The following ABCA5 variants were observed in gnomAD, a reference collection of about 807,000 sequenced individuals.
ABCA5 encodes the protein cholesterol transporter ABCA5.
Under a neutral mutation model 206.0 loss-of-function variants are expected in ABCA5, and 163 were observed. That is an observed-to-expected ratio of 0.79 (90% CI 0.70 to 0.90). The LOEUF (loss-of-function observed/expected upper bound fraction) is 0.90, where lower values mean the gene tolerates loss of function less well. Ranked by LOEUF, ABCA5 falls within the 40% of genes least tolerant of loss-of-function variation. The pLI is 0.00. For synonymous variants in ABCA5, 609 were observed against 613.8 expected, an observed-to-expected ratio of 0.99 and a Z score of 0.11; for missense variants, 1,859 against 1,912.9, an observed-to-expected ratio of 0.97 and a Z score of 0.53.
chr17:69,261,155 T>A lies in ABCA5; in HGVS notation c.3534A>T (p.Pro1178=). The A allele has an allele frequency of 6.3e-7, 1 of 1,597,274 alleles. No homozygotes were observed. The highest frequency in any genetic ancestry group is 8.5e-7 in the Non-Finnish European group (1 of 1,170,608). ...YAFCIIIPIY[P]LLGCLISFIK... ...TGAAAGAAATCAGGCAACCTAGAAG[T>A]GGATAGATTGGAATGATGATACAAA... is the stretch of plus-strand genomic sequence containing the variant. Residue 1178 remains proline (P), a synonymous_variant, in exon 26 of 39, where the codon CCA becomes CCT. Transcript: ENST00000392676.
At chr17:69,266,514 A>T (rs577291855) in intron 23 of ABCA5, among the ~76,000 whole-genome samples, 1 of 151,058 alleles carries the variant, frequency 6.6e-6, no homozygotes, top group Admixed American at 6.6e-5. Context: ...ACATGTATAC[A>T]TATGTAACTA....
Position 69,289,880 on chromosome 17 carries a change from G to T in ABCA5, c.1764C>A (p.Ala588=). 1 of 1,607,468 alleles carries T rather than the reference G, an allele frequency of 6.2e-7. No individual in the cohort carries two copies. ...SILASIKGIP[A]NNIIQEVQKV... is the part of the protein sequence containing the mutation. ...AGCATACTTCTTGTATTATATTGTT[G>T]GCTGGTATCCCTTTGATTGAAGCCA... The change falls in exon 13 of 39, where the codon GCC becomes GCA. Residue 588 remains alanine, a synonymous_variant. Coordinates refer to ENST00000392676, the MANE Select transcript of ABCA5 (RefSeq NM_172232.4).
At chr17:69,302,029 T>C (rs963521757) in intron 8 of ABCA5, among the ~76,000 whole-genome samples, 1 of 152,146 alleles carries the variant, frequency 6.6e-6, no homozygotes, top group African/African-American at 2.4e-5. Context: ...CTCAAAAAAG[T>C]AAAATGATTA....
intron 18 of ABCA5, among the ~76,000 whole-genome samples, chr17:69,282,825 T>TTCTTCCCC (rs1261259002): frequency 6.6e-6 from 1 of 151,568 alleles, no homozygotes; most frequent in Non-Finnish European, 1.5e-5. Context: ...CACAAACCTA[T>TTCTTCCCC]TCTTCCCCTA....
rs1567769297 is a variant in ABCA5, at chr17:69,289,301, A to G, written c.1783-5T>C. 1 of 1,551,746 alleles carries G rather than the reference A, an allele frequency of 6.4e-7. No individual in the cohort carries two copies. Among genetic ancestry groups the G allele is most frequent in the Non-Finnish European group, 8.7e-7 (1 of 1,154,770 alleles). ...ATCTAGTAAAACCTTCTGCACCTGT[A>G]AAAGTAAAGCATGAACAATGTTATT... On this transcript the variant is annotated splice_polypyrimidine_tract_variant and splice_region_variant and intron_variant, in intron 13 of 38. Transcript: ENST00000392676.
At chr17:69,301,378 T>C in intron 8 of ABCA5, 92 bp from the exon 9 acceptor site, 1 of 1,029,818 alleles carries the variant, frequency 9.7e-7, no homozygotes, top group Non-Finnish European at 1.4e-6. Flanking sequence ...ATATCCAGAG[T>C]GATAGTAACC....
intron 10 of ABCA5, among the ~76,000 whole-genome samples, chr17:69,296,506 T>G (rs2075584843): frequency 6.6e-6 from 1 of 152,216 alleles, no homozygotes; most frequent in Admixed American, 6.5e-5. Flanking sequence ...TAAAAATCTA[T>G]GAAATTAACA....
Position 69,297,374 on chromosome 17 carries a change from T to A in ABCA5, c.1268-15A>T. 6.3e-7 allele frequency: 1 copy of A among 1,576,440 alleles called. No individual in the cohort carries two copies. The highest frequency in any genetic ancestry group is 8.6e-7 in the Non-Finnish European group (1 of 1,168,544). Reference sequence around the variant, plus strand: ...GCCAAATTCCCCTGAAAAATAAACATTAAAAAACTGAGTTACCATAATTAG... The same window carrying A: ...GCCAAATTCCCCTGAAAAATAAACAATAAAAAACTGAGTTACCATAATTAG... On this transcript the variant is annotated splice_polypyrimidine_tract_variant and intron_variant, in intron 9 of 38. Transcript: ENST00000392676.
chr17:69,307,034 T>G, intron 5 of ABCA5, 80 bp from the exon 6 acceptor site: 1 of 1,005,508 alleles, frequency 9.9e-7, no homozygotes, highest in Non-Finnish European at 1.4e-6. Flanking sequence ...GCTATATCCC[T>G]AAATTTGGTC....
chr17:69,247,761 GATTT>G lies in ABCA5; in HGVS notation c.4822-121_4822-118del, dbSNP rs1290392168. The G allele has an allele frequency of 5.8e-6, 3 of 513,388 alleles. No individual in the cohort carries two copies. In the East Asian group the frequency reaches 9.7e-5, roughly 17 times the overall value. The allele number at this position is 513,388 out of a possible 1,614,324, so 31.8% of individuals were successfully genotyped here. ...CTAGTTATATCAACAAGTATCAAGA[GATTT>G]ATTAACATTAACATTATTCAAACAG... On this transcript the variant is annotated intron_variant, in intron 38 of 38. Coordinates refer to ENST00000392676, the MANE Select transcript of ABCA5 (RefSeq NM_172232.4).
chr17:69,291,464 A>G (rs1445428733), intron 11 of ABCA5, 138 bp from the exon 12 acceptor site: 1 of 472,762 alleles, frequency 2.1e-6, no homozygotes, highest in Non-Finnish European at 3.7e-6. Flanking sequence ...ATTTGATAGC[A>G]GGTAAAACAG....
At chr17:69,312,583 T>G (rs1259140514) in intron 3 of ABCA5, among the ~76,000 whole-genome samples, 1 of 152,146 alleles carries the variant, frequency 6.6e-6, no homozygotes, top group East Asian at 1.9e-4. Flanking sequence ...TTTAAATTTT[T>G]TATTGTTATA....
chr17:69,308,297 C>T lies in ABCA5; in HGVS notation c.541G>A (p.Asp181Asn), dbSNP rs1370175706. 2.5e-6 allele frequency: 4 copies of T among 1,608,402 alleles called. No homozygotes were observed. The highest frequency in any genetic ancestry group is 3.4e-6 in the Non-Finnish European group (4 of 1,175,592). Residue 181 changes from aspartate to asparagine, a missense_variant, in exon 5 of 39, where the codon GAT becomes AAT. Transcript: ENST00000392676. ...SGFTVLQASI[D>N]AAIIQLKTNV... ...ATATTTACCTGTATAATGGCAGCAT[C>T]TATGGATGCTTGTAAAACTGTGAAA...
intron 3 of ABCA5, among the ~76,000 whole-genome samples, chr17:69,312,691 C>G (rs1460799178): frequency 6.6e-6 from 1 of 151,964 alleles, no homozygotes; most frequent in African/African-American, 2.4e-5. Context: ...CTCACGGGAT[C>G]CCCCCACCTC....
intron 1 of ABCA5, among the ~76,000 whole-genome samples, chr17:69,320,723 G>A (rs1427289110): frequency 6.6e-6 from 1 of 152,100 alleles, no homozygotes; most frequent in Admixed American, 6.5e-5. Context: ...ACCCAACAAC[G>A]TACCTATTCA....
chr17:69,272,734 T>C (rs1188538183), intron 20 of ABCA5, among the ~76,000 whole-genome samples: 1 of 152,182 alleles, frequency 6.6e-6, no homozygotes, highest in Non-Finnish European at 1.5e-5. Flanking sequence ...TCCAGGTAAT[T>C]TTCCATGTTC....
chr17:69,259,754 T>C lies in ABCA5; in HGVS notation c.3683A>G (p.Tyr1228Cys), dbSNP rs1391884795. The C allele has an allele frequency of 5.6e-6, 9 of 1,609,808 alleles. No individual in the cohort carries two copies. In the South Asian group the frequency reaches 7.7e-5, roughly 14 times the overall value. Residue 1228 changes from tyrosine to cysteine, a missense_variant, in exon 28 of 39, where the codon TAT becomes TGT. Physicochemically the swap from Tyr to Cys is radical, Grantham distance 194 (BLOSUM62 -2). Transcript: ENST00000392676. The stretch of plus-strand genomic sequence containing the variant: ...TGATCTGCCTCCATATTTTTTCTCA[T>C]AGTATTGTAAGAGGAAAATCCACAG... ...CVLWIFLLQY[Y>C]EKKYGGRSIR...
At chr17:69,247,688 G>T in intron 38 of ABCA5, 44 bp from the exon 39 acceptor site, 2 of 1,146,110 alleles carry the variant, frequency 1.7e-6, no homozygotes, top group Non-Finnish European at 2.6e-6. Context: ...TGTATCTCAA[G>T]TACCTCAAAG....
chr17:69,273,845 T>G, intron 20 of ABCA5, 114 bp downstream of exon 20: 1 of 976,060 alleles, frequency 1.0e-6, no homozygotes, highest in Non-Finnish European at 1.5e-6. Context: ...TTAGATTTCA[T>G]GCAGACAGAC....
Sources: allele counts gnomAD v4.1 joint callset (sites outside exome capture counted in the v4.1 genomes callset), GRCh38; gene constraint gnomAD v4.1.1; transcripts MANE v1.5; gene names NCBI Gene and HGNC (gene_info 2026-07-23, HGNC 2026-07-21).